The following MTERF3 variants were observed in gnomAD, a reference collection of about 807,000 sequenced individuals.
MTERF3 encodes the protein transcription termination factor 3, mitochondrial.
A neutral mutation model predicts 40.5 loss-of-function variants in MTERF3; 40 were observed. The observed-to-expected ratio is 0.99, with a 90% CI of 0.77 to 1.29. The LOEUF (loss-of-function observed/expected upper bound fraction) is 1.29, where lower values mean the gene tolerates loss of function less well. MTERF3 is among the 50% of genes most tolerant of loss of function. MTERF3 has a pLI of 0.00. For missense variants in MTERF3, 452 were observed against 478.2 expected (o/e 0.95, Z 0.51); for synonymous variants, 158 against 166.6 (o/e 0.95, Z 0.40).
intron 7 of MTERF3, among the ~76,000 whole-genome samples, chr8:96,242,811 G>C (rs1254852133): frequency 6.6e-6 from 1 of 152,160 alleles, no homozygotes; most frequent in Admixed American, 6.5e-5. Flanking sequence ...CACAAGAACA[G>C]AGATCATGTC....
At chr8:96,256,401 C>T (rs1456703967) in intron 3 of MTERF3, among the ~76,000 whole-genome samples, 1 of 152,074 alleles carries the variant, frequency 6.6e-6, no homozygotes, top group Admixed American at 6.5e-5. Context: ...TGAGAGGCTA[C>T]TGGAAGGTAT....
At chr8:96,241,765 G>A (rs372530770) in intron 7 of MTERF3, among the ~76,000 whole-genome samples, 17 of 152,048 alleles carry the variant, frequency 1.1e-4, no homozygotes, top group African/African-American at 2.9e-4. Flanking sequence ...TAAATTCTTC[G>A]GAGTTAAAAA....
At chr8:96,245,666 C>T (rs527667904) in intron 6 of MTERF3, among the ~76,000 whole-genome samples, 194 bp downstream of exon 6, 1 of 152,348 alleles carries the variant, frequency 6.6e-6, no homozygotes, top group African/African-American at 2.4e-5. Flanking sequence ...TTAATACCTG[C>T]TCAACGTGAA....
intron 3 of MTERF3, 90 bp from the exon 4 acceptor site, chr8:96,251,185 A>G: frequency 1.0e-6 from 1 of 987,468 alleles, no homozygotes; most frequent in Non-Finnish European, 1.4e-6. Flanking sequence ...ACTGATGGAG[A>G]TCAACACCTA....
At chr8:96,247,268 G>T (rs1193335485) in intron 4 of MTERF3, among the ~76,000 whole-genome samples, 1 of 152,108 alleles carries the variant, frequency 6.6e-6, no homozygotes, top group African/African-American at 2.4e-5. Flanking sequence ...ACCATGCCTG[G>T]CCTGAGCATG....
intron 4 of MTERF3, among the ~76,000 whole-genome samples, chr8:96,247,901 C>T (rs1340360297): frequency 1.3e-5 from 2 of 151,958 alleles, no homozygotes; most frequent in Non-Finnish European, 2.9e-5. Flanking sequence ...AGAAAAAAGC[C>T]TGATTAAAAA....
At chr8:96,256,799 A>T (rs1388326818) in intron 3 of MTERF3, among the ~76,000 whole-genome samples, 163 bp downstream of exon 3, 4 of 152,256 alleles carry the variant, frequency 2.6e-5, no homozygotes, top group Non-Finnish European at 5.9e-5. Flanking sequence ...AAGATCACCA[A>T]GGATGAGGCA....
At chr8:96,251,222 T>C (rs572982575) in intron 3 of MTERF3, 127 bp from the exon 4 acceptor site, 17 of 637,558 alleles carry the variant, frequency 2.7e-5, no homozygotes, top group African/African-American at 5.8e-5. Flanking sequence ...GATAGATCAA[T>C]AGAAACTTCT....
intron 3 of MTERF3, among the ~76,000 whole-genome samples, chr8:96,252,451 G>GT (rs1300062923): frequency 3.3e-5 from 5 of 151,970 alleles, no homozygotes; most frequent in Non-Finnish European, 7.4e-5. Flanking sequence ...AAAAAATTAC[G>GT]TTTAACTACA....
intron 7 of MTERF3, among the ~76,000 whole-genome samples, chr8:96,241,070 G>T (rs935795798): frequency 2.6e-5 from 4 of 152,078 alleles, no homozygotes; most frequent in East Asian, 1.9e-4. Flanking sequence ...GTTTTAGATA[G>T]ATTTTTTTTT....
intron 4 of MTERF3, among the ~76,000 whole-genome samples, chr8:96,250,567 CAGGCATGG>C (rs1209266365): frequency 7.0e-6 from 1 of 141,972 alleles, no homozygotes; most frequent in Non-Finnish European, 1.5e-5. Flanking sequence ...AAAAATTAGC[CAGGCATGG>C]TGGCCACCTG....
At chr8:96,247,750 T>C (rs1312382307) in intron 4 of MTERF3, among the ~76,000 whole-genome samples, 1 of 152,080 alleles carries the variant, frequency 6.6e-6, no homozygotes, top group East Asian at 1.9e-4. Context: ...AAATTTTAAA[T>C]GCATGGCAAA....
At chr8:96,244,420 A>T (rs1353517599) in intron 6 of MTERF3, among the ~76,000 whole-genome samples, 1 of 144,554 alleles carries the variant, frequency 6.9e-6, no homozygotes, top group Non-Finnish European at 1.5e-5. Flanking sequence ...TTTTTTTTTG[A>T]GACGGAGTCT....
rs187351745 is a variant in MTERF3 at position 96,249,847 on chromosome 8, A to T, written c.677+1059T>A. On this transcript the variant is annotated intron_variant, in intron 4 of 7. Transcript: ENST00000287025. The stretch of plus-strand genomic sequence containing the variant: ...AGAGAAGAACTGATGGGCTTTCATG[A>T]TTTATTAGATGTAGATGATAAAAGA... Among the ~76,000 whole-genome samples, 5 of 152,208 alleles carry T rather than the reference A, an allele frequency of 3.3e-5. 1 individual carries two copies. The South Asian group carries it at 8.3e-4, about 25-fold the overall frequency.
chr8:96,242,732 G>A (rs1306756306), intron 7 of MTERF3, among the ~76,000 whole-genome samples: 2 of 152,094 alleles, frequency 1.3e-5, no homozygotes, highest in Non-Finnish European at 1.5e-5. Context: ...AGGAGCTCTG[G>A]TTAGGACTCT....
At chr8:96,245,314 G>C (rs181537568) in intron 6 of MTERF3, among the ~76,000 whole-genome samples, 19 of 152,256 alleles carry the variant, frequency 1.2e-4, no homozygotes, top group Non-Finnish European at 2.5e-4. Flanking sequence ...GCTGCTCTTG[G>C]CTTTATCTTA....
chr8:96,248,205 T>G (rs1228678642), intron 4 of MTERF3, among the ~76,000 whole-genome samples: 1 of 152,190 alleles, frequency 6.6e-6, no homozygotes, highest in Non-Finnish European at 1.5e-5. Flanking sequence ...CCCTTTGACC[T>G]AGCATTTCCA....
chr8:96,251,776 T>C (rs1311679475), intron 3 of MTERF3, among the ~76,000 whole-genome samples: 1 of 152,226 alleles, frequency 6.6e-6, no homozygotes. Context: ...ATATTCATTA[T>C]AACTCCAAAT....
At chr8:96,256,913 A>G (rs1810288643) in intron 3 of MTERF3, 49 bp downstream of exon 3, 1 of 1,513,420 alleles carries the variant, frequency 6.6e-7, no homozygotes, top group Non-Finnish European at 8.9e-7. Flanking sequence ...AAGTAAAAAA[A>G]GTAATGAAGA....
Sources: allele counts gnomAD v4.1 joint callset (sites outside exome capture counted in the v4.1 genomes callset), GRCh38; gene constraint gnomAD v4.1.1; transcripts MANE v1.5; gene names NCBI Gene and HGNC (gene_info 2026-07-23, HGNC 2026-07-21).